Variants in EPB41L5 observed in about 807,000 individuals in gnomAD.
The protein encoded by EPB41L5 is band 4.1-like protein 5.
EPB41L5 carries 55 observed loss-of-function variants against 106.6 expected under a neutral mutation model. The observed-to-expected ratio is 0.52, with a 90% CI of 0.42 to 0.65. The LOEUF (loss-of-function observed/expected upper bound fraction) is 0.65. EPB41L5 is among the 30% of genes least tolerant of loss of function. EPB41L5 has a pLI of 0.00. For missense variants in EPB41L5, 871 were observed against 882.1 expected, an observed-to-expected ratio of 0.99 and a Z score of 0.16; for synonymous variants, 297 against 306.7, an observed-to-expected ratio of 0.97 and a Z score of 0.33.
At chr2:120,098,206 TTTG>T (rs879272833) in intron 14 of EPB41L5, among the ~76,000 whole-genome samples, 32 of 82,464 alleles carry the variant, frequency 3.9e-4, no homozygotes, top group East Asian at 1.8e-3. Flanking sequence ...GGGGTGGGGT[TTTG>T]TTGTTGTTGT....
chr2:120,075,694 G>T lies in EPB41L5; in HGVS notation c.453-7G>T. 6.2e-7 allele frequency: 1 copy of T among 1,612,440 alleles called. No homozygotes were observed. The highest frequency in any genetic ancestry group is 1.1e-5 in the South Asian group (1 of 90,946). On this transcript the variant is annotated splice_region_variant and splice_polypyrimidine_tract_variant and intron_variant, in intron 6 of 24. Coordinates refer to ENST00000263713, the MANE Select transcript of EPB41L5 (RefSeq NM_020909.4). ...ACTTGTCTAACAAACTTGTGTTTTG[G>T]TCTCAGATTAGACTGTCCCTTTGAT...
At chr2:120,104,871 T>A (rs1684358417) in intron 16 of EPB41L5, 10 of 977,304 alleles carry the variant, frequency 1.0e-5, no homozygotes, top group Non-Finnish European at 1.2e-5. Flanking sequence ...TAGAGAAATC[T>A]GAATGGTTAG....
intron 3 of EPB41L5, among the ~76,000 whole-genome samples, chr2:120,064,235 T>C (rs1215527813): frequency 6.6e-6 from 1 of 152,244 alleles, no homozygotes; most frequent in Non-Finnish European, 1.5e-5. Context: ...TTTAAGATAA[T>C]TCTTTAATTC....
intron 20 of EPB41L5, among the ~76,000 whole-genome samples, chr2:120,156,262 G>A (rs943194875): frequency 4.6e-5 from 7 of 152,110 alleles, no homozygotes; most frequent in African/African-American, 9.7e-5. Flanking sequence ...CCTGCTTGCC[G>A]GGAAGCCTCT....
chr2:120,052,053 C>A (rs887229411), intron 3 of EPB41L5, among the ~76,000 whole-genome samples: 1 of 152,206 alleles, frequency 6.6e-6, no homozygotes, highest in East Asian at 1.9e-4. Flanking sequence ...TCTTGAACTC[C>A]TGACCTCGTG....
intron 10 of EPB41L5, 27 bp downstream of exon 10, chr2:120,078,608 C>A (rs376968467): frequency 6.7e-7 from 1 of 1,492,682 alleles, no homozygotes; most frequent in African/African-American, 1.4e-5. Context: ...GTCAAAGATA[C>A]TTACTGTTGT....
intron 2 of EPB41L5, among the ~76,000 whole-genome samples, chr2:120,024,107 A>G (rs549057699): frequency 1.2e-3 from 190 of 152,294 alleles, no homozygotes; most frequent in African/African-American, 4.4e-3. Flanking sequence ...TAGATATACA[A>G]TCATGTCATC....
chr2:120,116,924 A>G (rs1684971625), intron 16 of EPB41L5, among the ~76,000 whole-genome samples: 1 of 152,204 alleles, frequency 6.6e-6, no homozygotes, highest in Non-Finnish European at 1.5e-5. Context: ...GAATTTGCGT[A>G]ATATAAAAAT....
chr2:120,149,880 T>C (rs1338821872), intron 20 of EPB41L5, among the ~76,000 whole-genome samples: 1 of 149,478 alleles, frequency 6.7e-6, no homozygotes, highest in Non-Finnish European at 1.5e-5. Flanking sequence ...ACTCTCATGG[T>C]ATTTCACTGT....
At chr2:120,041,971 C>G (rs768602058) in intron 2 of EPB41L5, 35 bp from the exon 3 acceptor site, 2 of 1,488,128 alleles carry the variant, frequency 1.3e-6, no homozygotes, top group East Asian at 2.3e-5. Context: ...TCTTATAAAC[C>G]ACTTATTGAT....
Position 120,175,433 on chromosome 2 carries a change from A to G in EPB41L5, c.*526A>G, listed in dbSNP as rs78636981. 3 of 146,530 alleles carry G rather than the reference A, an allele frequency of 2.0e-5. No homozygotes were observed. The allele number at this position is 146,530 out of a possible 1,614,324, so 9.1% of individuals were successfully genotyped here. The stretch of plus-strand genomic sequence containing the variant: ...TTAGGGCCAACTTTTTTTTTTTTTT[A>G]CAATTATTACAACACTAAAGAGAAG... On this transcript the variant is annotated 3_prime_UTR_variant, in exon 25 of 25. Transcript: ENST00000263713.
chr2:120,153,628 C>T (rs1401059543), intron 20 of EPB41L5, among the ~76,000 whole-genome samples: 1 of 151,978 alleles, frequency 6.6e-6, no homozygotes, highest in Non-Finnish European at 1.5e-5. Flanking sequence ...GTCTATTTTC[C>T]CCCCTCAGTT....
intron 22 of EPB41L5, among the ~76,000 whole-genome samples, chr2:120,165,967 CAAAAAAAAAAAAAAAA>C (rs536664071): frequency 0.024 from 666 of 27,996 alleles, 13 homozygotes; most frequent in African/African-American, 0.068. Flanking sequence ...GACTCCGTCT[CAAAAAAAAAAAAAAAA>C]AAAAAAAAAA....
chr2:120,112,706 A>G (rs1684776239), intron 16 of EPB41L5, among the ~76,000 whole-genome samples: 1 of 152,200 alleles, frequency 6.6e-6, no homozygotes, highest in Non-Finnish European at 1.5e-5. Flanking sequence ...ATGATGAATC[A>G]GGTTTGAGTA....
In EPB41L5 at chr2:120,143,039, A is replaced by C. The variant is rs576728530; in HGVS notation, c.1636A>C (p.Asn546His). 2 of 1,613,032 alleles carry C rather than the reference A, an allele frequency of 1.2e-6. No individual in the cohort carries two copies. The highest frequency in any genetic ancestry group is 1.1e-5 in the South Asian group (1 of 91,000). The change falls in exon 19 of 25, where the codon AAT (asparagine) becomes CAT (histidine). Residue 546 changes from asparagine to histidine, a missense_variant. Coordinates refer to ENST00000263713, the MANE Select transcript of EPB41L5 (RefSeq NM_020909.4). The stretch of plus-strand genomic sequence containing the variant: ...GAAGTTGACTGAGAAATGCCTTAAT[A>C]ATGTCATTGAGAGCCCAGGATTGAA... ...VVKLTEKCLNNVIESPGLNVM... is the reference protein window; with the variant it reads ...VVKLTEKCLNHVIESPGLNVM...
chr2:120,082,188 A>G (rs528224945), intron 10 of EPB41L5, among the ~76,000 whole-genome samples: 2 of 152,104 alleles, frequency 1.3e-5, no homozygotes, highest in African/African-American at 2.4e-5. Context: ...GTCTTGTGCC[A>G]GTTTTCAAAG....
At chr2:120,103,215 A>C (rs1216651227) in intron 16 of EPB41L5, among the ~76,000 whole-genome samples, 1 of 152,160 alleles carries the variant, frequency 6.6e-6, no homozygotes, top group Non-Finnish European at 1.5e-5. Flanking sequence ...AGTTATTTTA[A>C]ATATATGCTG....
intron 20 of EPB41L5, among the ~76,000 whole-genome samples, chr2:120,149,438 T>A (rs1318184267): frequency 6.6e-6 from 1 of 152,236 alleles, no homozygotes; most frequent in Non-Finnish European, 1.5e-5. Flanking sequence ...TTTCTGTCTC[T>A]ATAGATTTAC....
intron 20 of EPB41L5, among the ~76,000 whole-genome samples, chr2:120,152,784 G>C (rs907155537): frequency 6.6e-6 from 1 of 152,206 alleles, no homozygotes; most frequent in African/African-American, 2.4e-5. Context: ...TTTACTTGTT[G>C]TAAGTCTATT....
Sources: allele counts gnomAD v4.1 joint callset (sites outside exome capture counted in the v4.1 genomes callset), GRCh38; gene constraint gnomAD v4.1.1; transcripts MANE v1.5; gene names NCBI Gene and HGNC (gene_info 2026-07-23, HGNC 2026-07-21).